NSUN6: variants seen among roughly 807,000 people sequenced by gnomAD.
The protein encoded by NSUN6 is NOP2/Sun RNA methyltransferase 6.
Under a neutral mutation model 58.0 loss-of-function variants are expected in NSUN6, and 64 were observed. The ratio of observed to expected loss-of-function variants is 1.10; its 90% CI spans 0.90 to 1.36. NSUN6 has a LOEUF of 1.36. Among genes scored for constraint, NSUN6 ranks in the 40% most tolerant of loss-of-function variants. The pLI is 0.00. For missense variants in NSUN6, 701 were observed against 550.1 expected (o/e 1.27, Z -2.74); for synonymous variants, 231 against 193.9 (o/e 1.19, Z -1.59).
At chr10:18,600,753 C>T (rs1018004012) in intron 6 of NSUN6, among the ~76,000 whole-genome samples, 1 of 151,206 alleles carries the variant, frequency 6.6e-6, no homozygotes, top group African/African-American at 2.4e-5. Context: ...TATGGTGAAA[C>T]CCCACCTCTA....
intron 8 of NSUN6, among the ~76,000 whole-genome samples, chr10:18,554,504 G>A (rs1205721421): frequency 6.6e-6 from 1 of 151,312 alleles, no homozygotes; most frequent in Non-Finnish European, 1.5e-5. Context: ...AGAATGGAAT[G>A]GAATCAATCG....
chr10:18,579,859 G>A (rs1310248270), intron 8 of NSUN6, among the ~76,000 whole-genome samples: 1 of 152,122 alleles, frequency 6.6e-6, no homozygotes, highest in Non-Finnish European at 1.5e-5. Context: ...ATAGGGGAGA[G>A]AAGGCAATCA....
At chr10:18,612,602 A>T (rs2058275761) in intron 5 of NSUN6, among the ~76,000 whole-genome samples, 1 of 152,192 alleles carries the variant, frequency 6.6e-6, no homozygotes, top group African/African-American at 2.4e-5. Context: ...GAAAATGTTC[A>T]TGCCTGTCTT....
At chr10:18,550,434 T>C (rs551794236) in intron 9 of NSUN6, among the ~76,000 whole-genome samples, 5 of 152,324 alleles carry the variant, frequency 3.3e-5, no homozygotes, top group Admixed American at 2.6e-4. Context: ...TAAATCATTA[T>C]AGAACATCCA....
rs75967699 is a variant in NSUN6, at chr10:18,545,868, TAAA to T, written c.*62_*64del. 39 of 732,968 alleles carry T rather than the reference TAAA, an allele frequency of 5.3e-5. No homozygotes were observed. The highest frequency in any genetic ancestry group is 1.0e-4 in the South Asian group (6 of 58,562). The allele number at this position is 732,968 out of a possible 1,614,324, so 45.4% of individuals were successfully genotyped here. ...TCAGTTGGCCTGACAACACTTTGGT[TAAA>T]AAAAAAAAAACCACAGACAGCAAAT... is the stretch of plus-strand genomic sequence containing the variant. On this transcript the variant is annotated 3_prime_UTR_variant, in exon 11 of 11. Transcript: ENST00000377304.
intron 3 of NSUN6, among the ~76,000 whole-genome samples, chr10:18,619,306 T>C (rs113670511): frequency 1.3e-5 from 2 of 152,240 alleles, no homozygotes; most frequent in Non-Finnish European, 2.9e-5. Flanking sequence ...CAGACCTTTA[T>C]GACGGAGGGA....
rs1233463935 is a variant in NSUN6 at position 18,651,479 on chromosome 10, G to A, written c.-276C>T. ...TCACTGAGCCAATGCCACTCACGTT[G>A]CAAAGAACCAAAAAAAGAAAAAAAT... On this transcript the variant is annotated 5_prime_UTR_variant, in exon 1 of 11. Transcript: ENST00000377304. The A allele has an allele frequency of 1.8e-6, 2 of 1,132,240 alleles. No homozygotes were observed. Among genetic ancestry groups the A allele is most frequent in the South Asian group, 4.1e-5 (1 of 24,468 alleles). 70.1% of individuals were successfully genotyped at this position (1,132,240 alleles called of 1,614,324 possible).
chr10:18,615,016 T>C (rs539239562), intron 4 of NSUN6, among the ~76,000 whole-genome samples: 1 of 152,094 alleles, frequency 6.6e-6, no homozygotes, highest in South Asian at 2.1e-4. Context: ...CAAAGAAATA[T>C]TTCTAAATCC....
chr10:18,547,233 T>G (rs553726310), intron 10 of NSUN6, among the ~76,000 whole-genome samples: 13 of 152,192 alleles, frequency 8.5e-5, no homozygotes, highest in Non-Finnish European at 1.5e-4. Context: ...TGCATGTTAA[T>G]GAAGATAGGT....
At chr10:18,600,911 G>C (rs2057778168) in intron 6 of NSUN6, among the ~76,000 whole-genome samples, 1 of 66,830 alleles carries the variant, frequency 1.5e-5, no homozygotes, top group East Asian at 6.1e-4. Flanking sequence ...CTGAGTGAAA[G>C]AGCAAGACTC....
chr10:18,546,182 C>T, intron 10 of NSUN6, 37 bp from the exon 11 acceptor site: 1 of 1,349,628 alleles, frequency 7.4e-7, no homozygotes, highest in South Asian at 1.2e-5. Flanking sequence ...GATGAACATC[C>T]TGTAATTAGC....
chr10:18,646,475 C>G (rs531929948), intron 2 of NSUN6, among the ~76,000 whole-genome samples: 33 of 152,224 alleles, frequency 2.2e-4, no homozygotes, highest in African/African-American at 7.7e-4. Flanking sequence ...GTGACTGATC[C>G]TAGCCCATGG....
At chr10:18,605,476 G>C (rs2058015548) in intron 6 of NSUN6, among the ~76,000 whole-genome samples, 1 of 152,096 alleles carries the variant, frequency 6.6e-6, no homozygotes, top group African/African-American at 2.4e-5. Context: ...AACTAGCTCA[G>C]GCAAAAATCA....
intron 8 of NSUN6, among the ~76,000 whole-genome samples, chr10:18,576,310 A>C (rs1433815580): frequency 6.6e-6 from 1 of 152,106 alleles, no homozygotes; most frequent in African/African-American, 2.4e-5. Context: ...TCAGAAAAGT[A>C]CCTCTGTCCC....
intron 4 of NSUN6, among the ~76,000 whole-genome samples, chr10:18,615,967 T>C (rs896815609): frequency 6.7e-6 from 1 of 150,258 alleles, no homozygotes; most frequent in Non-Finnish European, 1.5e-5. Context: ...ATCAAATACA[T>C]CCTTATTTGG....
chr10:18,551,070 A>C (rs1406440420), intron 9 of NSUN6, among the ~76,000 whole-genome samples: 1 of 152,092 alleles, frequency 6.6e-6, no homozygotes, highest in Non-Finnish European at 1.5e-5. Flanking sequence ...TTTTATATCT[A>C]ATTCTTTACA....
In NSUN6 at chr10:18,600,941, A is replaced by AAAT. The variant is rs1487679670; in HGVS notation, c.658-4615_658-4614insATT. 3.4e-3 allele frequency among the ~76,000 whole-genome samples: 150 copies of AAAT among 43,530 alleles called. 3 individuals are homozygous for AAAT. Among genetic ancestry groups the AAAT allele is most frequent in the African/African-American group, 0.011 (134 of 12,490 alleles). The allele number at this position is 43,530 out of a possible 152,430, so 28.6% of individuals were successfully genotyped here. On this transcript the variant is annotated intron_variant, in intron 6 of 10. Coordinates refer to ENST00000377304, the MANE Select transcript of NSUN6 (RefSeq NM_182543.5). ...AGACTCCATCTCAAAAAAAAAAAAA[A>AAAT]ATATATATATATATATATACATATA...
intron 3 of NSUN6, among the ~76,000 whole-genome samples, chr10:18,637,827 C>T (rs1268341252): frequency 6.6e-6 from 1 of 152,140 alleles, no homozygotes. Context: ...GAGACGATAT[C>T]CATTATATAT....
chr10:18,549,224 T>C (rs1429555221), intron 9 of NSUN6, among the ~76,000 whole-genome samples: 1 of 151,954 alleles, frequency 6.6e-6, no homozygotes, highest in Non-Finnish European at 1.5e-5. Context: ...CATAAACAAG[T>C]CTCTTGTTGC....
Sources: gnomAD v4.1 joint callset for allele counts (sites outside exome capture counted in the v4.1 genomes callset) on GRCh38, gnomAD v4.1.1 for gene constraint, MANE v1.5 for transcripts, NCBI Gene and HGNC (gene_info 2026-07-23, HGNC 2026-07-21) for gene names.